The following CADPS2 variants were observed in gnomAD, a reference collection of about 807,000 sequenced individuals.
The protein encoded by CADPS2 is calcium dependent secretion activator 2, also known as calcium-dependent secretion activator 2.
A neutral mutation model predicts 172.5 loss-of-function variants in CADPS2; 93 were observed. The ratio of observed to expected loss-of-function variants is 0.54; its 90% CI spans 0.46 to 0.64. CADPS2 has a LOEUF of 0.64. Ranked by LOEUF, CADPS2 falls within the 30% of genes least tolerant of loss-of-function variation. CADPS2 has a pLI of 0.00. For synonymous variants in CADPS2, 546 were observed against 555.2 expected, an observed-to-expected ratio of 0.98 and a Z score of 0.23; for missense variants, 1,420 against 1,565.9, an observed-to-expected ratio of 0.91 and a Z score of 1.57.
chr7:122,547,797 T>A (rs896960902), intron 8 of CADPS2, among the ~76,000 whole-genome samples: 3 of 151,948 alleles, frequency 2.0e-5, no homozygotes, highest in Non-Finnish European at 2.9e-5. Flanking sequence ...CTTTGTAGGG[T>A]GAACAGGATG....
At chr7:122,498,315 T>C (rs2058921621) in intron 9 of CADPS2, among the ~76,000 whole-genome samples, 1 of 152,192 alleles carries the variant, frequency 6.6e-6, no homozygotes, top group Non-Finnish European at 1.5e-5. Context: ...ACTTTCATCA[T>C]GAAATTTCTA....
At chr7:122,484,532 T>C (rs2057610747) in intron 11 of CADPS2, among the ~76,000 whole-genome samples, 1 of 144,006 alleles carries the variant, frequency 6.9e-6, no homozygotes, top group Non-Finnish European at 1.5e-5. Flanking sequence ...AACGCCAAAA[T>C]TGTAAAATTT....
chr7:122,676,817 C>A (rs193016372), intron 2 of CADPS2: 2 of 690,206 alleles, frequency 2.9e-6, no homozygotes, highest in South Asian at 2.4e-5. Flanking sequence ...TCCGAACTCA[C>A]TGTAAGTGCT....
chr7:122,435,278 C>T (rs531904225), intron 17 of CADPS2, among the ~76,000 whole-genome samples: 179 of 152,214 alleles, frequency 1.2e-3, no homozygotes, highest in African/African-American at 4.1e-3. Context: ...CATATCCAAA[C>T]TATTTAAGTA....
At chr7:122,497,712 T>C (rs1466829624) in intron 9 of CADPS2, among the ~76,000 whole-genome samples, 1 of 152,240 alleles carries the variant, frequency 6.6e-6, no homozygotes, top group Non-Finnish European at 1.5e-5. Flanking sequence ...GACTGCTTCT[T>C]GACTCGCACT....
chr7:122,845,162 T>A (rs1329602032), intron 1 of CADPS2, among the ~76,000 whole-genome samples: 2 of 152,082 alleles, frequency 1.3e-5, no homozygotes, highest in African/African-American at 4.8e-5. Flanking sequence ...ACATAAAAGA[T>A]CTGAAGTAAT....
intron 9 of CADPS2, among the ~76,000 whole-genome samples, chr7:122,499,598 T>A (rs2059030879): frequency 6.6e-6 from 1 of 152,216 alleles, no homozygotes; most frequent in South Asian, 2.1e-4. Context: ...TTTTGCTTTA[T>A]GAACTTTCCA....
At chr7:122,710,748 T>A (rs1403202636) in intron 2 of CADPS2, among the ~76,000 whole-genome samples, 1 of 152,110 alleles carries the variant, frequency 6.6e-6, no homozygotes, top group Admixed American at 6.6e-5. Flanking sequence ...AACCACCTGT[T>A]CCTATGACAC....
intron 17 of CADPS2, among the ~76,000 whole-genome samples, chr7:122,423,717 C>T (rs1393936347): frequency 1.3e-5 from 2 of 152,088 alleles, no homozygotes; most frequent in African/African-American, 4.8e-5. Context: ...TTGGCTTAAG[C>T]ATGCATCAGA....
chr7:122,687,465 G>GTTCA (rs2083783266), intron 2 of CADPS2, among the ~76,000 whole-genome samples: 1 of 152,204 alleles, frequency 6.6e-6, no homozygotes, highest in African/African-American at 2.4e-5. Context: ...ACCAGAACAA[G>GTTCA]TTCAAATATA....
chr7:122,687,789 T>C (rs1414332047), intron 2 of CADPS2, among the ~76,000 whole-genome samples: 2 of 152,156 alleles, frequency 1.3e-5, no homozygotes, highest in Non-Finnish European at 2.9e-5. Context: ...GAGCCAAAAA[T>C]AGTAACACTG....
At chr7:122,479,277 T>A (rs1256715148) in intron 12 of CADPS2, among the ~76,000 whole-genome samples, 2 of 152,172 alleles carry the variant, frequency 1.3e-5, no homozygotes, top group Admixed American at 6.5e-5. Flanking sequence ...TGTTTAGGAG[T>A]TCACCTGTAG....
intron 2 of CADPS2, among the ~76,000 whole-genome samples, chr7:122,696,542 T>A (rs1227433392): frequency 1.3e-5 from 2 of 151,944 alleles, no homozygotes; most frequent in African/African-American, 4.8e-5. Context: ...ACTACTGCCC[T>A]TCTACCTGTG....
intron 1 of CADPS2, among the ~76,000 whole-genome samples, chr7:122,802,026 A>G (rs960739105): frequency 3.3e-5 from 5 of 152,228 alleles, no homozygotes; most frequent in African/African-American, 9.6e-5. Context: ...TCTAAACAGT[A>G]TCACAGCATG....
At chr7:122,708,705 C>T (rs1440207430) in intron 2 of CADPS2, among the ~76,000 whole-genome samples, 1 of 151,618 alleles carries the variant, frequency 6.6e-6, no homozygotes, top group African/African-American at 2.4e-5. Flanking sequence ...AAACTCTCTT[C>T]TTCATTCAGA....
chr7:122,645,284 T>TATATACACATACGTACATGTGTGTATAC (rs2078207270), intron 3 of CADPS2, among the ~76,000 whole-genome samples: 1 of 138,616 alleles, frequency 7.2e-6, no homozygotes, highest in African/African-American at 2.6e-5. Context: ...TATACACACA[T>TATATACACATACGTACATGTGTGTATAC]ATGTACATAT....
intron 7 of CADPS2, among the ~76,000 whole-genome samples, chr7:122,564,847 G>GCACACGCACA (rs1554626211): frequency 2.1e-5 from 3 of 145,420 alleles, no homozygotes; most frequent in Non-Finnish European, 4.6e-5. Context: ...ACACACACAT[G>GCACACGCACA]CACACACACA....
chr7:122,694,194 TAG>T (rs1489620228), intron 2 of CADPS2, among the ~76,000 whole-genome samples: 1 of 152,192 alleles, frequency 6.6e-6, no homozygotes, highest in African/African-American at 2.4e-5. Context: ...CAATTGCTTC[TAG>T]GCTGAAGCTG....
intron 11 of CADPS2, among the ~76,000 whole-genome samples, chr7:122,489,495 A>G (rs983219116): frequency 2.2e-4 from 33 of 152,182 alleles, no homozygotes; most frequent in African/African-American, 8.0e-4. Flanking sequence ...CCATTATTCC[A>G]TAATTATTAA....
Sources: gnomAD v4.1 joint callset for allele counts (sites outside exome capture counted in the v4.1 genomes callset) on GRCh38, gnomAD v4.1.1 for gene constraint, MANE v1.5 for transcripts, NCBI Gene and HGNC (gene_info 2026-07-23, HGNC 2026-07-21) for gene names.